Variants in EYA4 observed in about 807,000 individuals in gnomAD.
The protein encoded by EYA4 is protein phosphatase EYA4.
In EYA4, 31 loss-of-function variants were observed where a neutral mutation model predicts 87.9. The observed-to-expected ratio is 0.35, with a 90% CI of 0.27 to 0.48. The LOEUF is 0.48. EYA4 is among the 20% of genes least tolerant of loss of function. The probability of loss-of-function intolerance (pLI) is 0.99; values close to 1 mark genes in which losing one functional copy is unlikely to be tolerated. For missense variants in EYA4, 678 were observed against 761.4 expected (o/e 0.89, Z 1.29); for synonymous variants, 263 against 270.6 (o/e 0.97, Z 0.28).
At chr6:133,449,524 T>G (rs2128629214) in intron 5 of EYA4, among the ~76,000 whole-genome samples, 1 of 152,324 alleles carries the variant, frequency 6.6e-6, no homozygotes, top group South Asian at 2.1e-4. Context: ...TTCCTGGTTC[T>G]TAATGTCAGT....
chr6:133,287,206 C>G (rs1778134188), intron 2 of EYA4, among the ~76,000 whole-genome samples: 1 of 152,092 alleles, frequency 6.6e-6, no homozygotes, highest in African/African-American at 2.4e-5. Flanking sequence ...AAGCCAAAGA[C>G]ATAATATAGA....
chr6:133,302,070 C>T (rs1368085520), intron 2 of EYA4, among the ~76,000 whole-genome samples: 1 of 152,116 alleles, frequency 6.6e-6, no homozygotes, highest in Non-Finnish European at 1.5e-5. Context: ...TGCAAAGCAG[C>T]AGTTTTTGCA....
rs1554216620 is a variant in EYA4 at position 133,282,598 on chromosome 6, A to ATATATG, written c.33+7788_33+7789insATGTAT. Reference sequence around the variant, plus strand: ...GACACATATGTGTGTGTATATATATATATGTATATATGGAGAGCCTCATAT... The same window carrying ATATATG: ...GACACATATGTGTGTGTATATATATATATATGTATGTATATATGGAGAGCCTCATAT... On this transcript the variant is annotated intron_variant, in intron 2 of 19. Coordinates refer to ENST00000355286, the MANE Select transcript of EYA4 (RefSeq NM_004100.5). Among the ~76,000 whole-genome samples the ATATATG allele has an allele frequency of 1.5e-3, 224 of 151,294 alleles. 1 individual carries two copies. Among genetic ancestry groups the ATATATG allele is most frequent in the Middle Eastern group, 3.4e-3 (1 of 292 alleles).
intron 11 of EYA4, among the ~76,000 whole-genome samples, chr6:133,478,959 A>C (rs939634177): frequency 3.9e-5 from 6 of 152,144 alleles, no homozygotes; most frequent in Non-Finnish European, 8.8e-5. Context: ...CAGCTCTTGC[A>C]CTGTGACAAG....
At chr6:133,300,688 G>C (rs145291851) in intron 2 of EYA4, among the ~76,000 whole-genome samples, 18 of 151,998 alleles carry the variant, frequency 1.2e-4, no homozygotes, top group African/African-American at 4.3e-4. Context: ...CTAATTTTTC[G>C]TATTTTAGTA....
At chr6:133,496,104 A>G (rs780182453) in intron 13 of EYA4, among the ~76,000 whole-genome samples, 61 of 152,178 alleles carry the variant, frequency 4.0e-4, no homozygotes, top group Non-Finnish European at 7.8e-4. Flanking sequence ...AACCTTGAGG[A>G]CTGACTGAAA....
chr6:133,303,862 C>T (rs919568713), intron 2 of EYA4, among the ~76,000 whole-genome samples: 6 of 152,066 alleles, frequency 3.9e-5, no homozygotes, highest in Non-Finnish European at 7.3e-5. Flanking sequence ...TCATATCACT[C>T]CTATGAAATT....
At chr6:133,256,281 T>C (rs1470404433) in intron 1 of EYA4, among the ~76,000 whole-genome samples, 1 of 151,686 alleles carries the variant, frequency 6.6e-6, no homozygotes, top group Non-Finnish European at 1.5e-5. Flanking sequence ...TATATTTACT[T>C]ATGGTTCGTA....
intron 3 of EYA4, among the ~76,000 whole-genome samples, chr6:133,412,180 A>T (rs564099228): frequency 6.6e-6 from 1 of 152,388 alleles, no homozygotes; most frequent in South Asian, 2.1e-4. Flanking sequence ...TTAGACAAAG[A>T]TAATATATAG....
chr6:133,244,535 A>G (rs75008509), intron 1 of EYA4, among the ~76,000 whole-genome samples: 1 of 151,874 alleles, frequency 6.6e-6, no homozygotes, highest in African/African-American at 2.4e-5. Flanking sequence ...AAAAAATTGC[A>G]TAGAAGTTTC....
intron 7 of EYA4, chr6:133,462,037 T>A (rs866463366): frequency 4.9e-6 from 2 of 410,432 alleles, no homozygotes; most frequent in African/African-American, 4.1e-5. Context: ...ATTTCAGATA[T>A]GAGCAAGAAT....
At chr6:133,295,681 A>T (rs1778892609) in intron 2 of EYA4, among the ~76,000 whole-genome samples, 1 of 152,180 alleles carries the variant, frequency 6.6e-6, no homozygotes, top group Non-Finnish European at 1.5e-5. Flanking sequence ...TAAGGTTAGG[A>T]TTTTGCCCAA....
At chr6:133,243,711 A>G (rs1774174918) in intron 1 of EYA4, among the ~76,000 whole-genome samples, 1 of 151,220 alleles carries the variant, frequency 6.6e-6, no homozygotes, top group African/African-American at 2.4e-5. Context: ...CTGAAGAACC[A>G]AAAACTAGAG....
chr6:133,425,805 A>T (rs1337244455), intron 3 of EYA4, among the ~76,000 whole-genome samples: 1 of 150,418 alleles, frequency 6.6e-6, no homozygotes, highest in African/African-American at 2.5e-5. Context: ...CACTTTTCTG[A>T]AGTGTAATTT....
rs530682557 is a variant in EYA4, at chr6:133,313,719, T to C, written c.33+38906T>C. On this transcript the variant is annotated intron_variant, in intron 2 of 19. Transcript: ENST00000355286. ...AACTCTGTTTTCATTCTTTCATTAA[T>C]AAATACCTGCAGTAATTCCCTGGCT... 2.0e-5 allele frequency among the ~76,000 whole-genome samples: 3 copies of C among 152,338 alleles called. No homozygotes were observed. The East Asian group carries it at 5.8e-4, about 29-fold the overall frequency.
intron 5 of EYA4, among the ~76,000 whole-genome samples, chr6:133,455,576 ATGAC>A (rs1456146924): frequency 6.6e-6 from 1 of 152,158 alleles, no homozygotes; most frequent in Non-Finnish European, 1.5e-5. Context: ...TGGGTACCCT[ATGAC>A]TGACTGTTCT....
At chr6:133,390,833 C>T (rs890361908) in intron 3 of EYA4, among the ~76,000 whole-genome samples, 1 of 152,126 alleles carries the variant, frequency 6.6e-6, no homozygotes, top group African/African-American at 2.4e-5. Flanking sequence ...AGAATAAGAG[C>T]ACCAGAGTGC....
At chr6:133,501,774 TA>T (rs1798136626) in intron 13 of EYA4, among the ~76,000 whole-genome samples, 1 of 152,216 alleles carries the variant, frequency 6.6e-6, no homozygotes, top group Non-Finnish European at 1.5e-5. Flanking sequence ...TTAGTTTCTT[TA>T]AAAATACATA....
intron 2 of EYA4, among the ~76,000 whole-genome samples, chr6:133,320,945 G>A (rs1781041856): frequency 6.6e-6 from 1 of 152,118 alleles, no homozygotes; most frequent in Non-Finnish European, 1.5e-5. Flanking sequence ...TGGTCTAAGG[G>A]TGGGTGGCTT....
Sources: gnomAD v4.1 joint callset for allele counts (sites outside exome capture counted in the v4.1 genomes callset) on GRCh38, gnomAD v4.1.1 for gene constraint, MANE v1.5 for transcripts, NCBI Gene and HGNC (gene_info 2026-07-23, HGNC 2026-07-21) for gene names.